The following ZNF362 variants were observed in gnomAD, a reference collection of about 807,000 sequenced individuals.
The protein encoded by ZNF362 is zinc finger protein 362, also known as rotund homolog.
Under a neutral mutation model 42.9 loss-of-function variants are expected in ZNF362, and 11 were observed. That is an observed-to-expected ratio of 0.26 (90% CI 0.16 to 0.42). The LOEUF is 0.42. ZNF362 is among the 20% of genes least tolerant of loss of function. ZNF362 has a pLI of 1.00. For synonymous variants in ZNF362, 255 were observed against 257.3 expected, an observed-to-expected ratio of 0.99 and a Z score of 0.09; for missense variants, 362 against 576.2, an observed-to-expected ratio of 0.63 and a Z score of 3.81.
the ZNF362 span, among the ~76,000 whole-genome samples, chr1:33,215,665 T>A: frequency 2.6e-5 from 4 of 152,242 alleles, no homozygotes; most frequent in East Asian, 7.7e-4. Flanking sequence ...TAACATTTTT[T>A]AAAAATTTAA....
At chr1:33,244,174 C>A in the ZNF362 span, among the ~76,000 whole-genome samples, 1 of 151,742 alleles carries the variant, frequency 6.6e-6, no homozygotes, top group African/African-American at 2.4e-5. The surrounding 1 kb of genome is among the most constrained non-coding windows in gnomAD (Gnocchi z 4.0). Context: ...TTCTCCTTCC[C>A]CTTCCCGTCA....
the ZNF362 span, among the ~76,000 whole-genome samples, chr1:33,168,697 CAG>C: frequency 6.6e-6 from 1 of 152,238 alleles, no homozygotes; most frequent in Non-Finnish European, 1.5e-5. Flanking sequence ...GTCCTCGGAG[CAG>C]AGGAATCTTG....
chr1:33,161,000 C>T, the ZNF362 span, among the ~76,000 whole-genome samples: 1 of 152,326 alleles, frequency 6.6e-6, no homozygotes. Flanking sequence ...GCCTGACAGT[C>T]TGCGTAAGGA....
intron 1 of ZNF362, among the ~76,000 whole-genome samples, chr1:33,262,165 A>G (rs1177267854): frequency 6.7e-6 from 1 of 150,094 alleles, no homozygotes; most frequent in Non-Finnish European, 1.5e-5. Context: ...GGGAAGGCCA[A>G]GGGATTTGGC....
rs1645903632 is a variant in ZNF362, at chr1:33,271,471, G to T, written c.38+859G>T. ...GCTCTGGGCTGCTAATCCCTTACAT[G>T]GGGGGCAGGAGCAAGTGCCTTGCCC... On this transcript the variant is annotated intron_variant, in intron 2 of 8. Coordinates refer to ENST00000539719, the MANE Select transcript of ZNF362 (RefSeq NM_152493.3). Among the ~76,000 whole-genome samples, 3 of 152,232 alleles carry T rather than the reference G, an allele frequency of 2.0e-5. No homozygotes were observed. In the South Asian group the frequency reaches 6.2e-4, roughly 31 times the overall value.
At chr1:33,155,510 C>T in the ZNF362 span, among the ~76,000 whole-genome samples, 1 of 152,088 alleles carries the variant, frequency 6.6e-6, no homozygotes, top group African/African-American at 2.4e-5. Context: ...GTCTCCCCAG[C>T]CTCCTTCCTG....
chr1:33,267,016 G>C lies in ZNF362; in HGVS notation c.-88-3471G>C, dbSNP rs1190868827. Reference sequence around the variant, plus strand: ...TCCTCCCCGCTGGGGCCCCTGGATGGGACCAGGAGTCCCTTCCTGACTGCT... The same window carrying C: ...TCCTCCCCGCTGGGGCCCCTGGATGCGACCAGGAGTCCCTTCCTGACTGCT... On this transcript the variant is annotated intron_variant, in intron 1 of 8. Transcript: ENST00000539719. 2.6e-5 allele frequency among the ~76,000 whole-genome samples: 4 copies of C among 152,120 alleles called. No homozygotes were observed. In the East Asian group the frequency reaches 7.7e-4, roughly 29 times the overall value.
At chr1:33,217,134 A>G in the ZNF362 span, among the ~76,000 whole-genome samples, 1 of 152,172 alleles carries the variant, frequency 6.6e-6, no homozygotes, top group African/African-American at 2.4e-5. Context: ...TTCCTGGCTC[A>G]GTGCTAAGGA....
intron 1 of ZNF362, among the ~76,000 whole-genome samples, chr1:33,258,746 C>G (rs1282334206): frequency 6.6e-6 from 1 of 152,180 alleles, no homozygotes; most frequent in East Asian, 1.9e-4. Flanking sequence ...CCATCATAAT[C>G]TTTCCTGAGA....
At chr1:33,208,884 T>A in the ZNF362 span, among the ~76,000 whole-genome samples, 3 of 152,290 alleles carry the variant, frequency 2.0e-5, no homozygotes, top group East Asian at 5.8e-4. Context: ...ACAATTTGAT[T>A]TCCTTTTTTC....
Position 33,299,121 on chromosome 1 carries a change from C to T in ZNF362, c.*75C>T, listed in dbSNP as rs1341260159. The T allele has an allele frequency of 1.9e-5, 22 of 1,166,752 alleles. No homozygotes were observed. The highest frequency in any genetic ancestry group is 3.7e-5 in the South Asian group (3 of 80,138). The allele number at this position is 1,166,752 out of a possible 1,614,324, so 72.3% of individuals were successfully genotyped here. On this transcript the variant is annotated 3_prime_UTR_variant, in exon 9 of 9. Transcript: ENST00000539719. The stretch of plus-strand genomic sequence containing the variant: ...GGCAGCACCAGGCCCCAGCTCCCTC[C>T]GGGGGCCCTCCAGGAACCACCAAGC...
chr1:33,139,848 G>A, the ZNF362 span, among the ~76,000 whole-genome samples: 28 of 152,244 alleles, frequency 1.8e-4, no homozygotes, highest in Admixed American at 1.4e-3. Context: ...CTGCCATATG[G>A]TGTCATGAGA....
At chr1:33,224,628 A>T in the ZNF362 span, among the ~76,000 whole-genome samples, 1 of 152,230 alleles carries the variant, frequency 6.6e-6, no homozygotes, top group East Asian at 1.9e-4. Context: ...CAAGAGATCT[A>T]TAAGAGATAA....
the ZNF362 span, among the ~76,000 whole-genome samples, chr1:33,154,412 G>A: frequency 2.0e-5 from 3 of 152,176 alleles, no homozygotes; most frequent in Non-Finnish European, 4.4e-5. Flanking sequence ...GGCCCTGTAG[G>A]ATCTGGGGCC....
At chr1:33,206,837 T>A in the ZNF362 span, among the ~76,000 whole-genome samples, 2 of 152,190 alleles carry the variant, frequency 1.3e-5, no homozygotes, top group Non-Finnish European at 2.9e-5. Context: ...ATGTTCGACA[T>A]CATTAATCAT....
intron 6 of ZNF362, among the ~76,000 whole-genome samples, chr1:33,283,451 A>G (rs555943733): frequency 2.0e-5 from 3 of 152,304 alleles, no homozygotes; most frequent in South Asian, 4.1e-4. Flanking sequence ...TCATGCCTGT[A>G]ATTCTAGCAC....
At chr1:33,245,139 A>G in the ZNF362 span, among the ~76,000 whole-genome samples, 57 of 152,202 alleles carry the variant, frequency 3.7e-4, no homozygotes, top group Non-Finnish European at 1.5e-4. Context: ...CAGGTCCACC[A>G]TCAAGGCTGG....
chr1:33,139,517 G>A, the ZNF362 span, among the ~76,000 whole-genome samples: 2 of 152,278 alleles, frequency 1.3e-5, no homozygotes, highest in Admixed American at 1.3e-4. Flanking sequence ...AGTGGGACAT[G>A]AAGGATGAGT....
chr1:33,261,902 A>T (rs1422382262), intron 1 of ZNF362, among the ~76,000 whole-genome samples: 3 of 152,144 alleles, frequency 2.0e-5, no homozygotes, highest in East Asian at 3.9e-4. Context: ...AAGGCAGGGG[A>T]AAGTGCTCAA....
Sources: gnomAD v4.1 joint callset for allele counts (sites outside exome capture counted in the v4.1 genomes callset) on GRCh38, gnomAD v4.1.1 for gene constraint, Gnocchi (gnomAD v3.1) non-coding constraint, MANE v1.5 for transcripts, NCBI Gene and HGNC (gene_info 2026-07-23, HGNC 2026-07-21) for gene names.